KCNN2: variants seen among roughly 807,000 people sequenced by gnomAD.
The protein encoded by KCNN2 is small conductance calcium-activated potassium channel protein 2.
A neutral mutation model predicts 55.5 loss-of-function variants in KCNN2; 24 were observed. The ratio of observed to expected loss-of-function variants is 0.43; its 90% confidence interval spans 0.31 to 0.61. The LOEUF (loss-of-function observed/expected upper bound fraction) is 0.61, where lower values mean the gene tolerates loss of function less well. KCNN2 is among the 20% of genes least tolerant of loss of function. KCNN2 has a pLI of 0.08. For missense variants in KCNN2, 754 were observed against 853.6 expected (o/e 0.88, Z 1.45); for synonymous variants, 431 against 336.1 (o/e 1.28, Z -3.09).
chr5:114,391,423 A>T (rs1359383195), intron 2 of KCNN2, among the ~76,000 whole-genome samples: 2 of 152,054 alleles, frequency 1.3e-5, no homozygotes, highest in Non-Finnish European at 2.9e-5. Context: ...TACATAGATT[A>T]AATATATTGC....
At chr5:114,229,016 T>C (rs1754302395) in intron 2 of KCNN2, among the ~76,000 whole-genome samples, 1 of 152,016 alleles carries the variant, frequency 6.6e-6, no homozygotes, top group Non-Finnish European at 1.5e-5. Context: ...TAACTTAATT[T>C]GCTTATTTAA....
chr5:114,315,584 C>T (rs1259427652), intron 2 of KCNN2, among the ~76,000 whole-genome samples: 1 of 151,946 alleles, frequency 6.6e-6, no homozygotes, highest in African/African-American at 2.4e-5. Context: ...TTTCACATTT[C>T]ACAAAATCAC....
At chr5:114,077,517 C>T (rs10066797) in intron 1 of KCNN2, among the ~76,000 whole-genome samples, 1,661 of 152,322 alleles carry the variant, frequency 0.011, 45 homozygotes, top group African/African-American at 0.038. Flanking sequence ...GTAAAGGACA[C>T]TGCCCTGGGT....
At chr5:114,246,172 A>G (rs1436820923) in intron 2 of KCNN2, among the ~76,000 whole-genome samples, 3 of 152,194 alleles carry the variant, frequency 2.0e-5, no homozygotes, top group Admixed American at 1.3e-4. Context: ...TGATAAATAC[A>G]TAAGTACTTG....
intron 1 of KCNN2, among the ~76,000 whole-genome samples, chr5:114,174,019 A>G (rs377734553): frequency 6.6e-6 from 1 of 152,074 alleles, no homozygotes; most frequent in African/African-American, 2.4e-5. Context: ...GAGCCTTTAC[A>G]TGTCTAATTT....
chr5:114,165,878 G>C (rs1752899993), intron 1 of KCNN2, among the ~76,000 whole-genome samples: 1 of 152,098 alleles, frequency 6.6e-6, no homozygotes, highest in Non-Finnish European at 1.5e-5. Flanking sequence ...GTTTTTAACT[G>C]TGTGGGGGTT....
intron 2 of KCNN2, among the ~76,000 whole-genome samples, chr5:114,375,949 A>AAT (rs1757915959): frequency 2.3e-5 from 1 of 42,630 alleles, no homozygotes; most frequent in African/African-American, 8.5e-5. Flanking sequence ...AAAGACTCAC[A>AAT]GTGTATATAT....
chr5:114,397,040 G>A (rs1335479305), intron 2 of KCNN2, among the ~76,000 whole-genome samples: 2 of 152,166 alleles, frequency 1.3e-5, no homozygotes, highest in African/African-American at 4.8e-5. Flanking sequence ...CCACGCTGCT[G>A]CAAATGATAT....
chr5:114,242,904 A>G (rs934500675), intron 2 of KCNN2, among the ~76,000 whole-genome samples: 1 of 152,204 alleles, frequency 6.6e-6, no homozygotes, highest in Non-Finnish European at 1.5e-5. Flanking sequence ...GAGGCCCAAC[A>G]TGCCTTGTTT....
intron 2 of KCNN2, among the ~76,000 whole-genome samples, chr5:114,322,576 T>C (rs371916325): frequency 5.4e-5 from 8 of 148,716 alleles, no homozygotes; most frequent in Non-Finnish European, 7.4e-5. Context: ...CACTCCCCCA[T>C]ACACACACAC....
chr5:114,283,610 T>C (rs1459925995), intron 2 of KCNN2, among the ~76,000 whole-genome samples: 2 of 152,240 alleles, frequency 1.3e-5, no homozygotes, highest in African/African-American at 4.8e-5. Flanking sequence ...AGTCTTTCGT[T>C]GTTGCCTAAA....
intron 1 of KCNN2, among the ~76,000 whole-genome samples, chr5:114,170,896 A>C (rs1753019462): frequency 6.6e-6 from 1 of 151,988 alleles, no homozygotes; most frequent in Non-Finnish European, 1.5e-5. Context: ...AAAAACCAAC[A>C]CATTTCTCCA....
chr5:114,082,869 C>T (rs1750854930), intron 1 of KCNN2, among the ~76,000 whole-genome samples: 1 of 151,986 alleles, frequency 6.6e-6, no homozygotes. Flanking sequence ...AAAATCATAG[C>T]CACAGAAAGT....
At chr5:114,354,301 G>C (rs1185771473) in intron 2 of KCNN2, among the ~76,000 whole-genome samples, 2 of 151,934 alleles carry the variant, frequency 1.3e-5, no homozygotes, top group Non-Finnish European at 2.9e-5. Flanking sequence ...TGTTTGATGA[G>C]TCATTCCCAT....
intron 1 of KCNN2, among the ~76,000 whole-genome samples, chr5:114,179,580 A>G (rs13174507): frequency 0.43 from 65,640 of 151,990 alleles, 14,890 homozygotes; most frequent in Middle Eastern, 0.55. Context: ...TCCTTTTCTT[A>G]TCTTGGGAAA....
chr5:114,288,437 C>T (rs982038545), intron 2 of KCNN2, among the ~76,000 whole-genome samples: 1 of 151,338 alleles, frequency 6.6e-6, no homozygotes, highest in Non-Finnish European at 1.5e-5. Context: ...TTTACATTCC[C>T]ATCAGTAACA....
intron 1 of KCNN2, among the ~76,000 whole-genome samples, chr5:114,060,409 G>A (rs1440728931): frequency 1.3e-5 from 2 of 152,230 alleles, no homozygotes; most frequent in African/African-American, 4.8e-5. Flanking sequence ...TTAGTGCCTG[G>A]CACAGTGCCT....
chr5:114,313,129 A>G (rs1455356331), intron 2 of KCNN2, among the ~76,000 whole-genome samples: 3 of 152,074 alleles, frequency 2.0e-5, no homozygotes, highest in Admixed American at 2.0e-4. Flanking sequence ...ATTTAGCTTC[A>G]TCATTCAGAC....
At chr5:114,447,823 T>G (rs2150100478) in intron 3 of KCNN2, among the ~76,000 whole-genome samples, 1 of 152,342 alleles carries the variant, frequency 6.6e-6, no homozygotes, top group Middle Eastern at 3.4e-3. Flanking sequence ...AGGGTGCGCT[T>G]TTTCCTTTTT....
Sources: allele counts gnomAD v4.1 joint callset (sites outside exome capture counted in the v4.1 genomes callset), GRCh38; gene constraint gnomAD v4.1.1; transcripts MANE v1.5; gene names NCBI Gene and HGNC (gene_info 2026-07-23, HGNC 2026-07-21).